PRAME: variants seen among roughly 807,000 people sequenced by gnomAD.
The protein encoded by PRAME is melanoma antigen preferentially expressed in tumors.
A neutral mutation model predicts 32.1 loss-of-function variants in PRAME; 21 were observed. The ratio of observed to expected loss-of-function variants is 0.65; its 90% CI spans 0.46 to 0.94. The LOEUF (loss-of-function observed/expected upper bound fraction) is 0.94, where lower values mean the gene tolerates loss of function less well. PRAME is among the 40% of genes least tolerant of loss of function. The pLI is 0.00. For missense variants in PRAME, 651 were observed against 622.3 expected (o/e 1.05, Z -0.49); for synonymous variants, 274 against 251.5 (o/e 1.09, Z -0.85).
chr22:22,551,096 A>C lies in PRAME; in HGVS notation c.22-7T>G. 6.4e-7 allele frequency: 1 copy of C among 1,555,662 alleles called. No individual in the cohort carries two copies. Among genetic ancestry groups the C allele is most frequent in the South Asian group, 1.2e-5 (1 of 82,362 alleles). On this transcript the variant is annotated splice_region_variant and splice_polypyrimidine_tract_variant and intron_variant, in intron 3 of 5. Transcript: ENST00000405655. ...ATCGGCTCTGAATGGAACCCTGAGGAAACATACAGGGAACAAGGCATCCCT... is the reference window on the plus strand; with the variant it reads ...ATCGGCTCTGAATGGAACCCTGAGGCAACATACAGGGAACAAGGCATCCCT...
rs200129781 is a variant in PRAME at position 22,550,223 on chromosome 22, A to G, written c.456T>C (p.Ala152=). 1.8e-4 allele frequency: 293 copies of G among 1,613,662 alleles called. No homozygotes were observed. The highest frequency in any genetic ancestry group is 2.3e-4 in the Non-Finnish European group (276 of 1,179,964). Residue 152 remains alanine, a synonymous_variant, in exon 5 of 6, where the codon GCT becomes GCC. Coordinates refer to ENST00000405655, the MANE Select transcript of PRAME (RefSeq NM_206956.3). ...CTTTTCGCTTCTTTGTCATGGGCTG[A>G]GCTGCTTCTGGCTCTGGAAATGAGT... ...SLYSFPEPEA[A]QPMTKKRKVD... is the part of the protein sequence containing the mutation.
In PRAME at chr22:22,548,190, C is replaced by T. The variant is rs1188225212; in HGVS notation, c.1407G>A (p.Glu469=). 1 of 1,613,860 alleles carries T rather than the reference C, an allele frequency of 6.2e-7. No homozygotes were observed. Among genetic ancestry groups the T allele is most frequent in the East Asian group, 2.2e-5 (1 of 44,790 alleles). Residue 469 remains glutamate, a synonymous_variant, in exon 6 of 6, where the codon GAG becomes GAA. Coordinates refer to ENST00000405655, the MANE Select transcript of PRAME (RefSeq NM_206956.3). The stretch of plus-strand genomic sequence containing the variant: ...TGGGCCGCCCCAACTCACACAGCAA[C>T]TCCCTGAGCCTGGCATGCAGATAGG... ...RLAYLHARLR[E]LLCELGRPSM...
In PRAME at chr22:22,548,190, C is replaced by G; in HGVS notation, c.1407G>C (p.Glu469Asp). Residue 469 changes from glutamate (E) to aspartate (D), a missense_variant, in exon 6 of 6, where the codon GAG (glutamate) becomes GAC (aspartate). Transcript: ENST00000405655. ...TGGGCCGCCCCAACTCACACAGCAACTCCCTGAGCCTGGCATGCAGATAGG... is the reference window on the plus strand; with the variant it reads ...TGGGCCGCCCCAACTCACACAGCAAGTCCCTGAGCCTGGCATGCAGATAGG... Reference protein sequence around the residue: ...RLAYLHARLRELLCELGRPSM... With the variant: ...RLAYLHARLRDLLCELGRPSM... 1 of 1,613,860 alleles carries G rather than the reference C, an allele frequency of 6.2e-7. No homozygotes were observed. Among genetic ancestry groups the G allele is most frequent in the Non-Finnish European group, 8.5e-7 (1 of 1,179,968 alleles).
At chr22:22,548,757 G>T (rs1369276116) in intron 5 of PRAME, 114 bp from the exon 6 acceptor site, 2 of 967,848 alleles carry the variant, frequency 2.1e-6, no homozygotes, top group Non-Finnish European at 3.1e-6. Context: ...TTAACCGCCA[G>T]GATGCCATGC....
At chr22:22,555,783 C>A in intron 3 of PRAME, 1 of 444,686 alleles carries the variant, frequency 2.2e-6, no homozygotes. Context: ...CAGGTGGCAC[C>A]CAAGGATGAG....
Position 22,549,966 on chromosome 22 carries a change from A to G in PRAME, c.713T>C (p.Leu238Ser). The G allele has an allele frequency of 6.2e-7, 1 of 1,613,862 alleles. No individual in the cohort carries two copies. Among genetic ancestry groups the G allele is most frequent in the South Asian group, 1.1e-5 (1 of 91,068 alleles). Residue 238 changes from leucine to serine, a missense_variant, in exon 5 of 6, where the codon TTG becomes TCG. Physicochemically the swap from Leu to Ser is moderately radical, Grantham distance 145. Coordinates refer to ENST00000405655, the MANE Select transcript of PRAME (RefSeq NM_206956.3). The stretch of plus-strand genomic sequence containing the variant: ...TAGCTTCCAGGTACAAGTCACTTCC[A>G]AATCTTCAATAGAGTCCAGCTGCAC... ...KMVQLDSIED[L>S]EVTCTWKLPT...
Position 22,547,892 on chromosome 22 carries a change from CCT to C in PRAME, c.*173_*174del, listed in dbSNP as rs144462200. 3.7e-3 allele frequency: 2,679 copies of C among 723,080 alleles called. 7 individuals are homozygous for C. Among genetic ancestry groups the C allele is most frequent in the Admixed American group, 6.0e-3 (214 of 35,816 alleles). The allele number at this position is 723,080 out of a possible 1,614,324, so 44.8% of individuals were successfully genotyped here. A position where few individuals can be genotyped will look rare whatever the true frequency, so the allele number is the denominator to read the frequency against. On this transcript the variant is annotated 3_prime_UTR_variant, in exon 6 of 6. Transcript: ENST00000405655. Reference sequence around the variant, plus strand: ...CAACATCTGCCTACCCCCAACTTCCCCTTTTTTTCCTCACTGAACATTTGTCT... The same window carrying C: ...CAACATCTGCCTACCCCCAACTTCCCTTTTTTCCTCACTGAACATTTGTCT...
In PRAME at chr22:22,548,323, C is replaced by T. The variant is rs756909511; in HGVS notation, c.1274G>A (p.Ser425Asn). 3 of 1,613,582 alleles carry T rather than the reference C, an allele frequency of 1.9e-6. No individual in the cohort carries two copies. The highest frequency in any genetic ancestry group is 3.3e-5 in the Admixed American group (2 of 59,956). ...CAGCCCGATGAGGTGCTGCAGGAGACTCTGCAGGGCAGATATGGAGATGGA... is the reference window on the plus strand; with the variant it reads ...CAGCCCGATGAGGTGCTGCAGGAGATTCTGCAGGGCAGATATGGAGATGGA... ...GNSISISALQSLLQHLIGLSN... is the reference protein window; with the variant it reads ...GNSISISALQNLLQHLIGLSN... Residue 425 changes from serine to asparagine, a missense_variant, in exon 6 of 6, where the codon AGT becomes AAT. Coordinates refer to ENST00000405655, the MANE Select transcript of PRAME (RefSeq NM_206956.3).
At chr22:22,555,462 T>C (rs1423300285) in intron 3 of PRAME, among the ~76,000 whole-genome samples, 1 of 151,930 alleles carries the variant, frequency 6.6e-6, no homozygotes, top group African/African-American at 2.4e-5. Flanking sequence ...GGTCTCAAAC[T>C]CCTGACCTCA....
chr22:22,550,988 G>T lies in PRAME; in HGVS notation c.123C>A (p.Ala41=), dbSNP rs2146974801. ...TGGGCAGCAACTCCAGGGCGGCAAT[G>T]GCCAGGGCCTCATCCTTCAGCAGGC... ...GQSLLKDEAL[A]IAALELLPRE... Residue 41 remains alanine (A), a synonymous_variant, in exon 4 of 6, where the codon GCC becomes GCA. Coordinates refer to ENST00000405655, the MANE Select transcript of PRAME (RefSeq NM_206956.3). The T allele has an allele frequency of 6.2e-7, 1 of 1,613,376 alleles. No individual in the cohort carries two copies. Among genetic ancestry groups the T allele is most frequent in the East Asian group, 2.2e-5 (1 of 44,754 alleles).
In PRAME at chr22:22,559,057, T is replaced by C; in HGVS notation, c.-200A>G. 1.1e-5 allele frequency: 2 copies of C among 179,614 alleles called. No homozygotes were observed. The highest frequency in any genetic ancestry group is 2.3e-5 in the Non-Finnish European group (2 of 87,348). The allele number at this position is 179,614 out of a possible 1,614,324, so 11.1% of individuals were successfully genotyped here. ...CGCGCATGCTCCCCTCGACTCCCCGTGTTTCCACTCTCCACAGAAATCCAC... is the reference window on the plus strand; with the variant it reads ...CGCGCATGCTCCCCTCGACTCCCCGCGTTTCCACTCTCCACAGAAATCCAC... On this transcript the variant is annotated 5_prime_UTR_variant, in exon 1 of 6. Transcript: ENST00000405655.
At chr22:22,555,899 A>G (rs2147043663) in intron 3 of PRAME, 1 of 470,754 alleles carries the variant, frequency 2.1e-6, no homozygotes, top group African/African-American at 2.0e-5. Flanking sequence ...ACTCTCTGAC[A>G]CCACTGGAAG....
At chr22:22,555,517 A>G (rs905297058) in intron 3 of PRAME, among the ~76,000 whole-genome samples, 3 of 151,822 alleles carry the variant, frequency 2.0e-5, no homozygotes, top group African/African-American at 7.3e-5. Flanking sequence ...AGATTACAAG[A>G]GTGAGCCACC....
chr22:22,550,614 G>C (rs2062508564), intron 4 of PRAME, 153 bp downstream of exon 4: 2 of 920,338 alleles, frequency 2.2e-6, no homozygotes, highest in African/African-American at 3.3e-5. Context: ...TTCCAAGAGT[G>C]ACCCCTGCAG....
In PRAME at chr22:22,550,244, T is replaced by C; in HGVS notation, c.435A>G (p.Ser145=). The change falls in exon 5 of 6, where the codon TCA becomes TCG. Residue 145 remains serine, a synonymous_variant. Transcript: ENST00000405655. ...VWSGNRASLY[S]FPEPEAAQPM... is the part of the protein sequence containing the mutation. ...GCTGAGCTGCTTCTGGCTCTGGAAA[T>C]GAGTACAGACTGGCCCTGTTTCCAG... 1 of 1,613,776 alleles carries C rather than the reference T, an allele frequency of 6.2e-7. No homozygotes were observed. The highest frequency in any genetic ancestry group is 8.5e-7 in the Non-Finnish European group (1 of 1,179,952).
At chr22:22,554,601 T>G (rs929345908) in intron 3 of PRAME, among the ~76,000 whole-genome samples, 1 of 152,040 alleles carries the variant, frequency 6.6e-6, no homozygotes, top group East Asian at 2.0e-4. Flanking sequence ...TTACCTCAAA[T>G]AGCCTTCACA....
chr22:22,557,330 G>C (rs1000046814), intron 2 of PRAME: 1 of 168,004 alleles, frequency 6.0e-6, no homozygotes, highest in African/African-American at 2.4e-5. Flanking sequence ...GAGCACCGCC[G>C]CCTCGGTTCA....
rs76836063 is a variant in PRAME at position 22,552,122 on chromosome 22, A to T, written c.22-1033T>A. The stretch of plus-strand genomic sequence containing the variant: ...ACACAAGGAGACCTCATCTCTATTA[A>T]AAAAAAAAAAAAGAAAAAAAAGAAA... On this transcript the variant is annotated intron_variant, in intron 3 of 5. Transcript: ENST00000405655. Among the ~76,000 whole-genome samples, 554 of 145,606 alleles carry T rather than the reference A, an allele frequency of 3.8e-3. 2 individuals carry two copies. Among genetic ancestry groups the T allele is most frequent in the African/African-American group, 0.013 (531 of 40,064 alleles).
rs536075028 is a variant in PRAME at position 22,548,639 on chromosome 22, C to T, written c.958G>A (p.Val320Met). The change falls in exon 6 of 6, where the codon GTG becomes ATG. Residue 320 changes from valine (V) to methionine (M), a missense_variant. By Grantham distance (21) the Val-to-Met change is conservative (BLOSUM62 1). Transcript: ENST00000405655. ...RGRLDQLLRH[V>M]MNPLETLSIT... ...GAGAGGGTTTCCAAGGGGTTCATCA[C>T]GTGCCTGCAAATAGACAAAGCAGTT... The T allele has an allele frequency of 1.3e-5, 21 of 1,591,888 alleles. No individual in the cohort carries two copies. Among genetic ancestry groups the T allele is most frequent in the African/African-American group, 1.1e-4 (8 of 74,818 alleles).
Sources: allele counts gnomAD v4.1 joint callset (sites outside exome capture counted in the v4.1 genomes callset), GRCh38; gene constraint gnomAD v4.1.1; transcripts MANE v1.5; gene names NCBI Gene and HGNC (gene_info 2026-07-23, HGNC 2026-07-21).